Variants in IKBIP observed in about 807,000 individuals in gnomAD.
The protein encoded by IKBIP is inhibitor of nuclear factor kappa-B kinase-interacting protein.
Under a neutral mutation model 31.0 loss-of-function variants are expected in IKBIP, and 28 were observed. The ratio of observed to expected loss-of-function variants is 0.90; its 90% CI spans 0.67 to 1.24. The LOEUF is 1.24. Among genes scored for constraint, IKBIP ranks in the 50% most tolerant of loss-of-function variants. The pLI is 0.00. For synonymous variants in IKBIP, 164 were observed against 160.3 expected (o/e 1.02, Z -0.17); for missense variants, 453 against 441.9 (o/e 1.03, Z -0.23).
chr12:98,628,190 C>T lies in IKBIP; in HGVS notation c.298-1424G>A, dbSNP rs566447997. ...CCCTTAAGCAGCTTTGTTTAATCGA[C>T]GAGAAAGACAAGTGTATATGCACTA... On this transcript the variant is annotated intron_variant, in intron 2 of 2. Coordinates refer to ENST00000299157, the MANE Select transcript of IKBIP (RefSeq NM_153687.4). Among the ~76,000 whole-genome samples the T allele has an allele frequency of 5.3e-5, 8 of 152,168 alleles. 1 individual carries two copies. Among genetic ancestry groups the T allele is most frequent in the Admixed American group, 3.9e-4 (6 of 15,272 alleles).
At chr12:98,642,848 C>T (rs1019885909) in intron 1 of IKBIP, among the ~76,000 whole-genome samples, 2 of 152,032 alleles carry the variant, frequency 1.3e-5, no homozygotes, top group African/African-American at 4.8e-5. Flanking sequence ...ATCCACCCAC[C>T]TTGGCCTCCC....
At chr12:98,632,134 G>A (rs1176530929) in intron 2 of IKBIP, among the ~76,000 whole-genome samples, 3 of 152,048 alleles carry the variant, frequency 2.0e-5, no homozygotes, top group East Asian at 3.9e-4. Flanking sequence ...GATTACAGGC[G>A]TGAGCCACCG....
At chr12:98,629,796 C>T (rs1429047672) in intron 2 of IKBIP, among the ~76,000 whole-genome samples, 2 of 152,116 alleles carry the variant, frequency 1.3e-5, no homozygotes, top group Admixed American at 1.3e-4. Context: ...ATCAGAGCCT[C>T]ACTATAATCT....
intron 2 of IKBIP, among the ~76,000 whole-genome samples, chr12:98,631,809 A>C (rs965127938): frequency 6.6e-6 from 1 of 151,714 alleles, no homozygotes; most frequent in Non-Finnish European, 1.5e-5. Flanking sequence ...AAAAGAAAAA[A>C]AAAAAGGAGA....
chr12:98,639,007 G>A (rs528553261), intron 1 of IKBIP, among the ~76,000 whole-genome samples: 46 of 152,268 alleles, frequency 3.0e-4, no homozygotes, highest in African/African-American at 1.1e-3. Flanking sequence ...TAGAGCCATA[G>A]CACATCAGCT....
intron 2 of IKBIP, among the ~76,000 whole-genome samples, chr12:98,627,150 G>T (rs11109551): frequency 0.26 from 38,834 of 151,286 alleles, 5,240 homozygotes; most frequent in African/African-American, 0.32. Context: ...TGTATTTTTC[G>T]TAGAGATGGG....
At chr12:98,631,060 G>A (rs1266644386) in intron 2 of IKBIP, among the ~76,000 whole-genome samples, 1 of 151,582 alleles carries the variant, frequency 6.6e-6, no homozygotes, top group African/African-American at 2.4e-5. Flanking sequence ...AGCCTCCCGA[G>A]TAGCTGGGAT....
chr12:98,616,395 C>T (rs1451176238), intron 2 of IKBIP, among the ~76,000 whole-genome samples: 3 of 152,030 alleles, frequency 2.0e-5, no homozygotes, highest in African/African-American at 7.2e-5. Context: ...AAGCCATTCT[C>T]AGATTTATGG....
At chr12:98,632,920 G>A (rs1368551704) in intron 2 of IKBIP, among the ~76,000 whole-genome samples, 1 of 151,904 alleles carries the variant, frequency 6.6e-6, no homozygotes, top group East Asian at 1.9e-4. Flanking sequence ...GAGCCACTAC[G>A]CCTGGCTCAG....
chr12:98,616,339 GT>G (rs141862272), intron 2 of IKBIP, among the ~76,000 whole-genome samples: 5,617 of 150,256 alleles, frequency 0.037, 206 homozygotes, highest in East Asian at 0.21. Flanking sequence ...GTTTAATTGG[GT>G]TTTTTTTTGC....
chr12:98,614,138 T>A (rs576597257), exon 3 of IKBIP: 6 of 1,613,682 alleles, frequency 3.7e-6, no homozygotes, highest in Non-Finnish European at 5.1e-6. Flanking sequence ...GAGACCAACA[T>A]CTTTTGCCAT....
At chr12:98,614,822 G>A (rs542888243) in intron 2 of IKBIP, among the ~76,000 whole-genome samples, 1 of 152,300 alleles carries the variant, frequency 6.6e-6, no homozygotes, top group East Asian at 1.9e-4. Context: ...AACAATGTAA[G>A]TGAATTACTA....
chr12:98,613,996 T>C, exon 3 of IKBIP: 1 of 1,610,486 alleles, frequency 6.2e-7, no homozygotes, highest in East Asian at 2.2e-5. Flanking sequence ...GAAGATCACC[T>C]ATATTTTTTA....
rs923939384 is a variant in IKBIP, at chr12:98,626,472, G to A, written c.592C>T (p.Leu198Phe). ...INSAEQEIKL[L>F]TERLKDLEDS... ...TCCAAATCTTTTAGCCGTTCAGTGA[G>A]CAATTTTATTTCCTGCTCAGCTGAG... The change falls in exon 3 of 3, where the codon CTC becomes TTC. Residue 198 changes from leucine (L) to phenylalanine (F), a missense_variant. Leu to Phe is a conservative substitution (Grantham distance 22, BLOSUM62 0). Coordinates refer to ENST00000299157, the MANE Select transcript of IKBIP (RefSeq NM_153687.4). 1 of 1,613,262 alleles carries A rather than the reference G, an allele frequency of 6.2e-7. No homozygotes were observed.
At chr12:98,614,202 T>A in exon 3 of IKBIP, 2 of 1,614,012 alleles carry the variant, frequency 1.2e-6, no homozygotes, top group African/African-American at 2.7e-5. Context: ...GTCGTCAGAC[T>A]GTTGTTCAGT....
chr12:98,613,997 ATATTTTTTACTG>A (rs1361993426), exon 3 of IKBIP: 5 of 1,610,392 alleles, frequency 3.1e-6, no homozygotes, highest in Non-Finnish European at 3.4e-6. Context: ...AAGATCACCT[ATATTTTTTACTG>A]TATTTTTTTC....
chr12:98,620,684 A>G (rs1258246881), downstream of IKBIP, among the ~76,000 whole-genome samples: 2 of 152,196 alleles, frequency 1.3e-5, no homozygotes, highest in African/African-American at 4.8e-5. Flanking sequence ...GAATTCTATT[A>G]AAGGACCTGG....
At chr12:98,628,915 G>A (rs753026109) in intron 2 of IKBIP, among the ~76,000 whole-genome samples, 8 of 152,142 alleles carry the variant, frequency 5.3e-5, no homozygotes, top group African/African-American at 7.2e-5. Flanking sequence ...TATAAGTAGC[G>A]TCACAAAAGA....
intron 1 of IKBIP, among the ~76,000 whole-genome samples, chr12:98,643,258 A>G (rs959333820): frequency 3.9e-5 from 6 of 152,204 alleles, no homozygotes; most frequent in African/African-American, 1.4e-4. Flanking sequence ...GCCGTAACAA[A>G]TCTTTTAACT....
Sources: gnomAD v4.1 joint callset for allele counts (sites outside exome capture counted in the v4.1 genomes callset) on GRCh38, gnomAD v4.1.1 for gene constraint, MANE v1.5 for transcripts, NCBI Gene and HGNC (gene_info 2026-07-23, HGNC 2026-07-21) for gene names.